ABRAXAS2: variants seen among roughly 807,000 people sequenced by gnomAD.
ABRAXAS2 encodes BRISC complex subunit Abraxas 2.
Under a neutral mutation model 49.0 loss-of-function variants are expected in ABRAXAS2, and 23 were observed. The ratio of observed to expected loss-of-function variants is 0.47; its 90% CI spans 0.34 to 0.66. The LOEUF is 0.66. Among genes scored for constraint, ABRAXAS2 ranks in the 30% least tolerant of loss-of-function variants. ABRAXAS2 has a pLI of 0.01. For missense variants in ABRAXAS2, 443 were observed against 511.9 expected (o/e 0.87, Z 1.30); for synonymous variants, 168 against 180.2 (o/e 0.93, Z 0.54).
chr10:124,801,951 C>T, intron 1 of ABRAXAS2, 50 bp downstream of exon 1: 1 of 1,580,600 alleles, frequency 6.3e-7, no homozygotes. Flanking sequence ...CAGCCTCTGT[C>T]TCAGGCCGGC....
chr10:124,816,946 A>T (rs1422531105), intron 3 of ABRAXAS2, among the ~76,000 whole-genome samples: 1 of 152,228 alleles, frequency 6.6e-6, no homozygotes, highest in Non-Finnish European at 1.5e-5. Flanking sequence ...TAAAAATGTA[A>T]GAAAAAGGAG....
At chr10:124,819,006 C>T (rs1950843449) in intron 3 of ABRAXAS2, among the ~76,000 whole-genome samples, 2 of 152,208 alleles carry the variant, frequency 1.3e-5, no homozygotes, top group African/African-American at 4.8e-5. Context: ...CCACATCCCA[C>T]AAATGTTTAC....
chr10:124,820,672 G>T (rs1950856697), intron 4 of ABRAXAS2, among the ~76,000 whole-genome samples: 1 of 151,724 alleles, frequency 6.6e-6, no homozygotes, highest in Admixed American at 6.6e-5. Flanking sequence ...AGTAGAGACA[G>T]GGTTTCACCA....
At chr10:124,809,530 C>T (rs541546813) in intron 2 of ABRAXAS2, among the ~76,000 whole-genome samples, 238 of 151,872 alleles carry the variant, frequency 1.6e-3, no homozygotes, top group African/African-American at 5.4e-3. Context: ...AGGTGATCCA[C>T]CCGCTTTGGC....
chr10:124,808,911 G>A (rs1254103462), intron 2 of ABRAXAS2, among the ~76,000 whole-genome samples: 1 of 152,110 alleles, frequency 6.6e-6, no homozygotes, highest in East Asian at 1.9e-4. Context: ...TGGGCGGATC[G>A]CCCGAGGTTG....
At chr10:124,813,579 C>G (rs999477458) in intron 2 of ABRAXAS2, among the ~76,000 whole-genome samples, 1 of 152,212 alleles carries the variant, frequency 6.6e-6, no homozygotes, top group African/African-American at 2.4e-5. Context: ...GGCTGCCCAG[C>G]CCCTGCCTGC....
At chr10:124,805,823 C>G (rs768547247) in intron 1 of ABRAXAS2, among the ~76,000 whole-genome samples, 2 of 152,076 alleles carry the variant, frequency 1.3e-5, no homozygotes, top group African/African-American at 4.8e-5. Flanking sequence ...AGAGAGATTC[C>G]AGGACAGCTT....
Position 124,819,444 on chromosome 10 carries a change from G to C in ABRAXAS2, c.261G>C (p.Arg87=), listed in dbSNP as rs777266690. Residue 87 remains arginine (R), a synonymous_variant, in exon 4 of 9, where the codon CGG becomes CGC. Coordinates refer to ENST00000298492, the MANE Select transcript of ABRAXAS2 (RefSeq NM_032182.4). ...EESLDRILKD[R]RKKVIGWYRF... The stretch of plus-strand genomic sequence containing the variant: ...GTTTGGACAGGATTCTTAAAGATCG[G>C]AGAAAGGTATGTTCTGTTTGTTGCC... 3 of 1,613,980 alleles carry C rather than the reference G, an allele frequency of 1.9e-6. No individual in the cohort carries two copies. Among genetic ancestry groups the C allele is most frequent in the Non-Finnish European group, 2.5e-6 (3 of 1,179,896 alleles).
At chr10:124,819,975 T>TTA in intron 4 of ABRAXAS2, among the ~76,000 whole-genome samples, 1 of 152,346 alleles carries the variant, frequency 6.6e-6, no homozygotes, top group African/African-American at 2.4e-5. Context: ...ATTTACCGTG[T>TTA]TATACTATGT....
At chr10:124,812,304 C>T (rs1950795385) in intron 2 of ABRAXAS2, among the ~76,000 whole-genome samples, 2 of 152,048 alleles carry the variant, frequency 1.3e-5, no homozygotes, top group Non-Finnish European at 2.9e-5. Context: ...ATGGACAAAA[C>T]GTTTACTAGT....
At position 124,834,629 on chromosome 10, in the gene ABRAXAS2, G is replaced by A. The variant is rs144062723; in HGVS notation, c.906G>A (p.Ser302=). 1.6e-3 allele frequency: 2,662 copies of A among 1,614,026 alleles called. 4 individuals are homozygous for A. The highest frequency in any genetic ancestry group is 2.0e-3 in the Non-Finnish European group (2,417 of 1,180,010). Residue 302 remains serine, a synonymous_variant, in exon 9 of 9, where the codon TCG becomes TCA. Transcript: ENST00000298492. The part of the protein sequence containing the change: ...GRSTLGDAEA[S]DPPPPYSDFH... ...GTACACTTGGAGATGCAGAGGCCTCGGATCCTCCTCCCCCTTACTCTGATT... is the reference window on the plus strand; with the variant it reads ...GTACACTTGGAGATGCAGAGGCCTCAGATCCTCCTCCCCCTTACTCTGATT...
intron 2 of ABRAXAS2, among the ~76,000 whole-genome samples, chr10:124,807,775 G>C (rs941325541): frequency 7.2e-5 from 11 of 152,120 alleles, no homozygotes; most frequent in African/African-American, 2.7e-4. Flanking sequence ...CTGAATTGCT[G>C]TGTGACCACT....
intron 1 of ABRAXAS2, among the ~76,000 whole-genome samples, chr10:124,803,009 C>G (rs1037928789): frequency 2.3e-4 from 35 of 152,222 alleles, no homozygotes; most frequent in Admixed American, 4.6e-4. Context: ...ATGGGTTTTT[C>G]CAGAAGCAGC....
chr10:124,804,232 T>C (rs1189597865), intron 1 of ABRAXAS2, among the ~76,000 whole-genome samples: 3 of 152,206 alleles, frequency 2.0e-5, no homozygotes, highest in African/African-American at 7.2e-5. Context: ...TGTTGAGTTA[T>C]ATCATTATTC....
At chr10:124,816,641 A>G (rs771557830) in intron 3 of ABRAXAS2, 29 bp downstream of exon 3, 5 of 1,532,372 alleles carry the variant, frequency 3.3e-6, no homozygotes, top group African/African-American at 2.7e-5. Flanking sequence ...TTTAGTCCTT[A>G]CTAAAAGGAT....
chr10:124,817,333 C>T (rs1005715891), intron 3 of ABRAXAS2, among the ~76,000 whole-genome samples: 1 of 152,236 alleles, frequency 6.6e-6, no homozygotes, highest in East Asian at 1.9e-4. Context: ...AGAAAGCATA[C>T]AACAGAGAGA....
intron 2 of ABRAXAS2, chr10:124,814,950 T>G (rs1183735779): frequency 6.6e-6 from 1 of 152,056 alleles, no homozygotes; most frequent in Non-Finnish European, 1.5e-5. Flanking sequence ...CGGCTTTAAT[T>G]TATTTTTATA....
chr10:124,825,005 G>A (rs1343797725), intron 4 of ABRAXAS2, among the ~76,000 whole-genome samples: 1 of 152,034 alleles, frequency 6.6e-6, no homozygotes, highest in Non-Finnish European at 1.5e-5. Flanking sequence ...TGTAACTTCG[G>A]ACAAAACATC....
chr10:124,808,239 G>A (rs932179801), intron 2 of ABRAXAS2, among the ~76,000 whole-genome samples: 2 of 151,150 alleles, frequency 1.3e-5, no homozygotes, highest in Non-Finnish European at 2.9e-5. Context: ...GCAGTGGCAC[G>A]ATCTCGGCTC....
Sources: gnomAD v4.1 joint callset for allele counts (sites outside exome capture counted in the v4.1 genomes callset) on GRCh38, gnomAD v4.1.1 for gene constraint, MANE v1.5 for transcripts, NCBI Gene and HGNC (gene_info 2026-07-23, HGNC 2026-07-21) for gene names.